PEBP4: variants seen among roughly 807,000 people sequenced by gnomAD.
PEBP4 encodes the protein phosphatidylethanolamine binding protein 4.
Under a neutral mutation model 23.9 loss-of-function variants are expected in PEBP4, and 22 were observed. The ratio of observed to expected loss-of-function variants is 0.92; its 90% CI spans 0.66 to 1.31. PEBP4 has a LOEUF of 1.31. Ranked by LOEUF, PEBP4 falls within the 40% of genes most tolerant of loss-of-function variation. The probability of loss-of-function intolerance (pLI) is 0.00; values close to 1 mark genes in which losing one functional copy is unlikely to be tolerated. For synonymous variants in PEBP4, 112 were observed against 99.3 expected, an observed-to-expected ratio of 1.13 and a Z score of -0.76; for missense variants, 324 against 281.7, an observed-to-expected ratio of 1.15 and a Z score of -1.07.
chr8:22,892,043 G>C (rs1293242643), intron 3 of PEBP4, among the ~76,000 whole-genome samples: 2 of 151,652 alleles, frequency 1.3e-5, no homozygotes, highest in African/African-American at 4.8e-5. Context: ...ACTGCAGTCC[G>C]GCCTGGGCGA....
intron 4 of PEBP4, among the ~76,000 whole-genome samples, chr8:22,765,634 C>G (rs918624236): frequency 2.0e-5 from 3 of 152,256 alleles, no homozygotes; most frequent in African/African-American, 4.8e-5. Context: ...TGATAAAACC[C>G]TGTCCACAAG....
intron 3 of PEBP4, among the ~76,000 whole-genome samples, chr8:22,826,650 G>A (rs747937900): frequency 4.1e-4 from 62 of 152,178 alleles, no homozygotes; most frequent in African/African-American, 1.2e-3. Flanking sequence ...AAAGCAAGGC[G>A]CAGAACAGCA....
At chr8:22,814,820 T>C (rs968367284) in intron 4 of PEBP4, among the ~76,000 whole-genome samples, 1 of 152,184 alleles carries the variant, frequency 6.6e-6, no homozygotes, top group Non-Finnish European at 1.5e-5. Flanking sequence ...TAGTATTCAC[T>C]GGGGACAGTT....
intron 4 of PEBP4, among the ~76,000 whole-genome samples, chr8:22,816,366 C>A (rs951275848): frequency 9.2e-5 from 14 of 152,222 alleles, no homozygotes; most frequent in African/African-American, 3.1e-4. Context: ...GCCCCGGTCA[C>A]TGGGCCACCA....
At chr8:22,866,142 G>T (rs1032866460) in intron 3 of PEBP4, among the ~76,000 whole-genome samples, 1 of 152,226 alleles carries the variant, frequency 6.6e-6, no homozygotes, top group Non-Finnish European at 1.5e-5. Flanking sequence ...CGTCTTGCTT[G>T]TCTCACAGTC....
intron 1 of PEBP4, among the ~76,000 whole-genome samples, chr8:22,940,632 G>A (rs1311329108): frequency 6.6e-5 from 10 of 151,948 alleles, no homozygotes; most frequent in African/African-American, 1.5e-4. Flanking sequence ...GGGACTACAG[G>A]TGACCACCAC....
At chr8:22,798,721 CTTTTTTCT>C (rs1806316554) in intron 4 of PEBP4, 1 of 77,102 alleles carries the variant, frequency 1.3e-5, no homozygotes, top group African/African-American at 5.9e-5. Flanking sequence ...TTTTTCTTTT[CTTTTTTCT>C]TTTTTTTTTT....
At chr8:22,822,206 G>A (rs542910559) in intron 3 of PEBP4, among the ~76,000 whole-genome samples, 7 of 152,212 alleles carry the variant, frequency 4.6e-5, no homozygotes, top group Non-Finnish European at 8.8e-5. Flanking sequence ...AATAATGACC[G>A]TTGGATTTTA....
At chr8:22,935,918 A>G (rs1809531494) in intron 1 of PEBP4, among the ~76,000 whole-genome samples, 1 of 152,154 alleles carries the variant, frequency 6.6e-6, no homozygotes, top group Non-Finnish European at 1.5e-5. Context: ...ATGCTGTAAA[A>G]TAGCTATAAA....
At chr8:22,883,666 G>A (rs796995769) in intron 3 of PEBP4, among the ~76,000 whole-genome samples, 2 of 152,142 alleles carry the variant, frequency 1.3e-5, no homozygotes, top group African/African-American at 4.8e-5. Context: ...TTTGAGTTCC[G>A]TGGACAGCCT....
intron 2 of PEBP4, among the ~76,000 whole-genome samples, chr8:22,924,231 G>A (rs1809276066): frequency 6.6e-6 from 1 of 152,126 alleles, no homozygotes; most frequent in South Asian, 2.1e-4. Flanking sequence ...AGGTGTGGTG[G>A]CGTGCACCTG....
intron 3 of PEBP4, chr8:22,885,926 G>T (rs545232577): frequency 6.6e-6 from 1 of 152,178 alleles, no homozygotes; most frequent in Non-Finnish European, 1.5e-5. Context: ...GTCACAGACC[G>T]CCTGCAGGGT....
At chr8:22,834,054 CT>C (rs1184798705) in intron 3 of PEBP4, among the ~76,000 whole-genome samples, 3 of 152,240 alleles carry the variant, frequency 2.0e-5, no homozygotes, top group African/African-American at 7.2e-5. Flanking sequence ...CAATCTTCCC[CT>C]GACCTCAGCT....
chr8:22,923,834 T>C (rs959300428), intron 2 of PEBP4, among the ~76,000 whole-genome samples: 3 of 152,130 alleles, frequency 2.0e-5, no homozygotes, highest in Non-Finnish European at 4.4e-5. Context: ...GGTGCCATCT[T>C]TGAAGCAGAG....
intron 3 of PEBP4, among the ~76,000 whole-genome samples, chr8:22,903,270 T>C (rs1047961593): frequency 1.3e-5 from 2 of 152,224 alleles, no homozygotes; most frequent in African/African-American, 4.8e-5. Flanking sequence ...CTGTGTGACC[T>C]TGGACAAGTT....
intron 3 of PEBP4, among the ~76,000 whole-genome samples, chr8:22,900,446 C>T (rs925855277): frequency 6.6e-6 from 1 of 151,940 alleles, no homozygotes; most frequent in Non-Finnish European, 1.5e-5. Flanking sequence ...GCCAGGGGTT[C>T]GAGACCAGCC....
intron 4 of PEBP4, among the ~76,000 whole-genome samples, chr8:22,740,125 G>C (rs1323081945): frequency 6.6e-6 from 1 of 152,212 alleles, no homozygotes; most frequent in Non-Finnish European, 1.5e-5. Context: ...CCCAGGCCTG[G>C]GGCTGCTTTG....
intron 4 of PEBP4, among the ~76,000 whole-genome samples, chr8:22,760,391 G>C (rs79151941): frequency 6.6e-6 from 1 of 152,116 alleles, no homozygotes; most frequent in East Asian, 1.9e-4. Context: ...TCTGGTAAAC[G>C]CCTCACAAGC....
At chr8:22,852,619 G>T (rs892094603) in intron 3 of PEBP4, among the ~76,000 whole-genome samples, 7 of 150,906 alleles carry the variant, frequency 4.6e-5, no homozygotes, top group African/African-American at 1.7e-4. Flanking sequence ...GGAGTCTTTT[G>T]TGAGTGTGAA....
Sources: allele counts gnomAD v4.1 joint callset (sites outside exome capture counted in the v4.1 genomes callset), GRCh38; gene constraint gnomAD v4.1.1; transcripts MANE v1.5; gene names NCBI Gene and HGNC (gene_info 2026-07-23, HGNC 2026-07-21).